The following IQSEC3 variants were observed in gnomAD, a reference collection of about 807,000 sequenced individuals.
IQSEC3 encodes IQ motif and Sec7 domain ArfGEF 3, also known as IQ motif and SEC7 domain-containing protein 3.
In IQSEC3, 50 loss-of-function variants were observed where a neutral mutation model predicts 105.4. That is an observed-to-expected ratio of 0.47 (90% CI 0.38 to 0.60). IQSEC3 has a LOEUF of 0.60. Among genes scored for constraint, IQSEC3 ranks in the 20% least tolerant of loss-of-function variants. IQSEC3 has a pLI of 0.00. For missense variants in IQSEC3, 1,415 were observed against 1,630.0 expected (o/e 0.87, Z 2.27); for synonymous variants, 708 against 746.0 (o/e 0.95, Z 0.83).
chr12:113,132 C>T lies in IQSEC3; in HGVS notation c.624-12501C>T, dbSNP rs113207252. On this transcript the variant is annotated intron_variant, in intron 2 of 13. Coordinates refer to ENST00000538872, the MANE Select transcript of IQSEC3 (RefSeq NM_001170738.2). ...TTCCCTCCATGCTGGCAGCTCTTAG[C>T]GTTTATCCTGGGCTTGGATGCAGTT... Among the ~76,000 whole-genome samples the T allele has an allele frequency of 4.0e-4, 61 of 152,226 alleles. No individual in the cohort carries two copies. In the East Asian group the frequency reaches 0.011, roughly 27 times the overall value.
chr12:99,090 A>AGGGC (rs1249153461), intron 1 of IQSEC3, 56 bp from the exon 2 acceptor site: 4 of 1,485,198 alleles, frequency 2.7e-6, no homozygotes, highest in Non-Finnish European at 3.7e-6. Flanking sequence ...AGTGTCAGGC[A>AGGGC]GGGCGGGGAC....
chr12:147,569 C>T (rs1018315810), intron 5 of IQSEC3, among the ~76,000 whole-genome samples: 4 of 152,118 alleles, frequency 2.6e-5, no homozygotes, highest in East Asian at 1.9e-4. Flanking sequence ...CCCTGTGGTC[C>T]GGTTGCTCTC....
At chr12:109,895 C>T (rs1864820906) in intron 2 of IQSEC3, among the ~76,000 whole-genome samples, 2 of 152,206 alleles carry the variant, frequency 1.3e-5, no homozygotes, top group African/African-American at 2.4e-5. Context: ...TTCCCTCACA[C>T]TTAGTTTCTT....
intron 9 of IQSEC3, among the ~76,000 whole-genome samples, chr12:163,859 C>T (rs1291232728): frequency 1.3e-5 from 2 of 152,210 alleles, no homozygotes; most frequent in East Asian, 1.9e-4. Flanking sequence ...ATGATCTGCT[C>T]GTGGTTGCAC....
chr12:92,066 A>G (rs1285626883), intron 1 of IQSEC3, among the ~76,000 whole-genome samples: 2 of 152,128 alleles, frequency 1.3e-5, no homozygotes, highest in East Asian at 1.9e-4. Flanking sequence ...GGGCCCACAG[A>G]CTACCTCATG....
chr12:107,216 T>C (rs202011158), intron 2 of IQSEC3, among the ~76,000 whole-genome samples: 10 of 152,264 alleles, frequency 6.6e-5, no homozygotes, highest in Admixed American at 4.6e-4. Flanking sequence ...GTATAATTTG[T>C]TCTAAGATTA....
rs560496317 is a variant in IQSEC3 at position 138,153 on chromosome 12, C to T, written c.904-114C>T. On this transcript the variant is annotated intron_variant, in intron 3 of 13. Coordinates refer to ENST00000538872, the MANE Select transcript of IQSEC3 (RefSeq NM_001170738.2). This position sits in a 1 kb window ranked among gnomAD's most constrained non-coding sequence, Gnocchi z 7.1. ...AGCTGCCCAGGAGCGCCCCCCCGCC[C>T]CCGTCCATTCCTGGGCCCCACCCGA... 15 of 956,960 alleles carry T rather than the reference C, an allele frequency of 1.6e-5. No homozygotes were observed. The highest frequency in any genetic ancestry group is 2.5e-5 in the Admixed American group (1 of 39,284). 59.3% of individuals were successfully genotyped at this position (956,960 alleles called of 1,614,324 possible). A position where few individuals can be genotyped will look rare whatever the true frequency, so the allele number is the denominator to read the frequency against.
In IQSEC3 at chr12:67,193, C is replaced by G. The variant is rs782661487; in HGVS notation, c.311C>G (p.Ala104Gly). The change falls in exon 1 of 14, where the codon GCG becomes GGG. Residue 104 changes from alanine to glycine, a missense_variant. Around this residue, in one of 6 missense-constraint regions of IQSEC3, gnomAD observed 3 missense variants for 66.2 expected, o/e 0.05. Transcript: ENST00000538872. ...GACCAGGGACAGCGCTCAGCAGCCGCGCCGCATCCCGCGCCCGATCGGCCG... is the reference window on the plus strand; with the variant it reads ...GACCAGGGACAGCGCTCAGCAGCCGGGCCGCATCCCGCGCCCGATCGGCCG... ...LQDQGQRSAAAPHPAPDRPPR... is the reference protein window; with the variant it reads ...LQDQGQRSAAGPHPAPDRPPR... The G allele has an allele frequency of 1.3e-6, 2 of 1,543,506 alleles. No homozygotes were observed. Among genetic ancestry groups the G allele is most frequent in the African/African-American group, 2.7e-5 (2 of 73,126 alleles).
At chr12:167,749 A>G (rs562860250) in intron 11 of IQSEC3, 5 of 152,332 alleles carry the variant, frequency 3.3e-5, no homozygotes, top group African/African-American at 1.2e-4. Context: ...ATCAGCTACC[A>G]TTTATTGAGG....
At chr12:103,945 T>C (rs551361325) in intron 2 of IQSEC3, among the ~76,000 whole-genome samples, 205 of 94,168 alleles carry the variant, frequency 2.2e-3, no homozygotes, top group Non-Finnish European at 3.3e-3. Context: ...GAACAACCCC[T>C]AGGCCTCCAG....
chr12:138,151 C>A lies in IQSEC3; in HGVS notation c.904-116C>A. 1.1e-6 allele frequency: 1 copy of A among 938,834 alleles called. No homozygotes were observed. The highest frequency in any genetic ancestry group is 1.6e-6 in the Non-Finnish European group (1 of 628,438). 58.2% of individuals were successfully genotyped at this position (938,834 alleles called of 1,614,324 possible). ...TTAGCTGCCCAGGAGCGCCCCCCCG[C>A]CCCCGTCCATTCCTGGGCCCCACCC... is the stretch of plus-strand genomic sequence containing the variant. On this transcript the variant is annotated intron_variant, in intron 3 of 13. Coordinates refer to ENST00000538872, the MANE Select transcript of IQSEC3 (RefSeq NM_001170738.2). This position sits in a 1 kb window ranked among gnomAD's most constrained non-coding sequence, Gnocchi z 7.1.
intron 1 of IQSEC3, among the ~76,000 whole-genome samples, chr12:83,044 C>T (rs1175746223): frequency 1.3e-5 from 2 of 152,224 alleles, no homozygotes; most frequent in African/African-American, 2.4e-5. Context: ...CCTGGGCACA[C>T]TCACTTATCG....
intron 1 of IQSEC3, among the ~76,000 whole-genome samples, chr12:79,804 C>T (rs528152286): frequency 5.1e-4 from 77 of 152,276 alleles, no homozygotes; most frequent in African/African-American, 1.8e-3. Context: ...CCTAACCACT[C>T]GAATTCCTGC....
chr12:122,627 T>G (rs1865256941), intron 2 of IQSEC3, among the ~76,000 whole-genome samples: 1 of 152,190 alleles, frequency 6.6e-6, no homozygotes, highest in Non-Finnish European at 1.5e-5. Flanking sequence ...GTGACTGCTT[T>G]GGGCCACTGG....
chr12:114,573 G>A (rs960417578), intron 2 of IQSEC3, among the ~76,000 whole-genome samples: 1 of 152,204 alleles, frequency 6.6e-6, no homozygotes, highest in African/African-American at 2.4e-5. Context: ...TAAAGACCCG[G>A]ATGAATGTCA....
intron 2 of IQSEC3, among the ~76,000 whole-genome samples, chr12:112,862 A>G (rs149839873): frequency 6.6e-6 from 1 of 152,226 alleles, no homozygotes; most frequent in African/African-American, 2.4e-5. Context: ...AGGCCTGTGC[A>G]CTGTTTTTTT....
At chr12:166,182 G>C (rs1323464752) in intron 11 of IQSEC3, 6 of 399,606 alleles carry the variant, frequency 1.5e-5, no homozygotes, top group Non-Finnish European at 2.7e-5. Flanking sequence ...GTTTTACCAG[G>C]ATGACCAAGC....
chr12:175,302 G>T lies in IQSEC3; in HGVS notation c.*269G>T. On this transcript the variant is annotated 3_prime_UTR_variant, in exon 14 of 14. Transcript: ENST00000538872. Reference sequence around the variant, plus strand: ...ACCCGGCGAGGCCTCCTCTTCCCCTGGCCACCACTTTCCCCCATTGGACCA... The same window carrying T: ...ACCCGGCGAGGCCTCCTCTTCCCCTTGCCACCACTTTCCCCCATTGGACCA... 2.3e-6 allele frequency: 1 copy of T among 441,854 alleles called. No individual in the cohort carries two copies. The highest frequency in any genetic ancestry group is 3.5e-5 in the East Asian group (1 of 28,766). 27.4% of individuals were successfully genotyped at this position (441,854 alleles called of 1,614,324 possible).
At chr12:75,675 G>A (rs1205478581) in intron 1 of IQSEC3, among the ~76,000 whole-genome samples, 3 of 152,278 alleles carry the variant, frequency 2.0e-5, no homozygotes, top group African/African-American at 7.2e-5. Context: ...GATGGGAGAT[G>A]AGAGTCAAAC....
Sources: gnomAD v4.1 joint callset for allele counts (sites outside exome capture counted in the v4.1 genomes callset) on GRCh38, gnomAD v4.1.1 for gene constraint, gnomAD v4.1.1 regional missense constraint, Gnocchi (gnomAD v3.1) non-coding constraint, MANE v1.5 for transcripts, NCBI Gene and HGNC (gene_info 2026-07-23, HGNC 2026-07-21) for gene names.